Variants in PPP1R12C observed in about 807,000 individuals in gnomAD.
The protein encoded by PPP1R12C is protein phosphatase 1 regulatory subunit 12C.
PPP1R12C carries 48 observed loss-of-function variants against 95.6 expected under a neutral mutation model. The ratio of observed to expected loss-of-function variants is 0.50; its 90% CI spans 0.40 to 0.64. The LOEUF (loss-of-function observed/expected upper bound fraction) is 0.64. Ranked by LOEUF, PPP1R12C falls within the 30% of genes least tolerant of loss-of-function variation. The pLI is 0.00. For synonymous variants in PPP1R12C, 480 were observed against 460.8 expected, an observed-to-expected ratio of 1.04 and a Z score of -0.53; for missense variants, 1,057 against 1,083.3, an observed-to-expected ratio of 0.98 and a Z score of 0.34.
intron 6 of PPP1R12C, among the ~76,000 whole-genome samples, chr19:55,097,846 A>G (rs2084939523): frequency 6.6e-6 from 1 of 150,780 alleles, no homozygotes; most frequent in South Asian, 2.1e-4. Flanking sequence ...ACCCTGCCCC[A>G]CCTATTAAAC....
intron 1 of PPP1R12C, 142 bp from the exon 2 acceptor site, chr19:55,112,937 A>G: frequency 2.5e-6 from 3 of 1,222,254 alleles, no homozygotes; most frequent in Non-Finnish European, 2.3e-6. Context: ...GCCTCTGGCC[A>G]CTGGCTGTTT....
At position 55,109,458 on chromosome 19, in the gene PPP1R12C, T is replaced by C. The variant is rs1281035445; in HGVS notation, c.571+3009A>G. Among the ~76,000 whole-genome samples, 1 of 152,232 alleles carries C rather than the reference T, an allele frequency of 6.6e-6. No homozygotes were observed. Among genetic ancestry groups the C allele is most frequent in the Non-Finnish European group, 1.5e-5 (1 of 68,044 alleles). On this transcript the variant is annotated intron_variant, in intron 3 of 21. Transcript: ENST00000263433. The surrounding 1 kb of genome is among the most constrained non-coding windows in gnomAD (Gnocchi z 4.4). Reference sequence around the variant, plus strand: ...GGGTTTTGGTTCTTGCAAAGAGTCATGCCCGATTCAGCCCCTGAGTCGACT... The same window carrying C: ...GGGTTTTGGTTCTTGCAAAGAGTCACGCCCGATTCAGCCCCTGAGTCGACT...
intron 1 of PPP1R12C, 47 bp from the exon 2 acceptor site, chr19:55,112,842 G>A (rs755507300): frequency 8.7e-6 from 14 of 1,604,752 alleles, no homozygotes; most frequent in Admixed American, 3.3e-5. Context: ...CAGCCACGGT[G>A]TCCCAGCAAG....
chr19:55,091,595 G>T (rs750733490), intron 21 of PPP1R12C, 37 bp from the exon 22 acceptor site: 2 of 1,610,158 alleles, frequency 1.2e-6, no homozygotes, highest in Non-Finnish European at 8.5e-7. Context: ...CAGCCCTGGC[G>T]GGTTGCACCC....
intron 4 of PPP1R12C, among the ~76,000 whole-genome samples, chr19:55,102,510 T>C (rs1452953549): frequency 6.6e-6 from 1 of 152,192 alleles, no homozygotes; most frequent in African/African-American, 2.4e-5. Context: ...AGACTCCGTC[T>C]CAAAAACAAA....
rs1009481585 is a variant in PPP1R12C at position 55,090,946 on chromosome 19, G to C, written c.*526C>G. ...CAACTTCACGACTTTTATTTGTGGT[G>C]CCTGTGCTTTATCTCGAAAATACCT... On this transcript the variant is annotated 3_prime_UTR_variant, in exon 22 of 22. Coordinates refer to ENST00000263433, the MANE Select transcript of PPP1R12C (RefSeq NM_017607.4). 2.6e-5 allele frequency: 4 copies of C among 154,772 alleles called. No individual in the cohort carries two copies. Among genetic ancestry groups the C allele is most frequent in the Non-Finnish European group, 5.8e-5 (4 of 69,562 alleles). The allele number at this position is 154,772 out of a possible 1,614,324, so 9.6% of individuals were successfully genotyped here. A position where few individuals can be genotyped will look rare whatever the true frequency, so the allele number is the denominator to read the frequency against.
chr19:55,091,543 G>C lies in PPP1R12C; in HGVS notation c.2278C>G (p.Arg760Gly). ...EEELKALSDLRADNQRLKDEN... is the reference protein window; with the variant it reads ...EEELKALSDLGADNQRLKDEN... ...TCCTTGAGGCGCTGGTTGTCAGCGC[G>C]GAGGTCAGACAGGGCCTGGGGGACG... Residue 760 changes from arginine (R) to glycine (G), a missense_variant, in exon 22 of 22, where the codon CGC (arginine) becomes GGC (glycine). Transcript: ENST00000263433. 2 of 1,613,790 alleles carry C rather than the reference G, an allele frequency of 1.2e-6. No individual in the cohort carries two copies. The highest frequency in any genetic ancestry group is 1.7e-6 in the Non-Finnish European group (2 of 1,179,966).
Position 55,094,440 on chromosome 19 carries a change from G to A in PPP1R12C, c.1593-5C>T, listed in dbSNP as rs780766031. The A allele has an allele frequency of 1.2e-6, 2 of 1,613,726 alleles. No individual in the cohort carries two copies. The highest frequency in any genetic ancestry group is 8.5e-7 in the Non-Finnish European group (1 of 1,179,968). Reference sequence around the variant, plus strand: ...CGCACAGGCATCTGGTAGGACCTGAGGGAAGGGTCCCAACCTCAGACAGGG... The same window carrying A: ...CGCACAGGCATCTGGTAGGACCTGAAGGAAGGGTCCCAACCTCAGACAGGG... On this transcript the variant is annotated splice_region_variant and splice_polypyrimidine_tract_variant and intron_variant, in intron 12 of 21. Coordinates refer to ENST00000263433, the MANE Select transcript of PPP1R12C (RefSeq NM_017607.4).
chr19:55,112,961 T>A, intron 1 of PPP1R12C, 166 bp from the exon 2 acceptor site: 2 of 988,506 alleles, frequency 2.0e-6, no homozygotes, highest in Non-Finnish European at 1.5e-6. Flanking sequence ...ATACGCCTGG[T>A]TGCCCAGTGG....
intron 3 of PPP1R12C, among the ~76,000 whole-genome samples, chr19:55,108,457 C>T (rs111636470): frequency 0.015 from 2,205 of 152,040 alleles, 32 homozygotes; most frequent in Non-Finnish European, 0.021. Flanking sequence ...GGTGAAACCC[C>T]GTCTCCACAA....
chr19:55,091,069 C>A lies in PPP1R12C; in HGVS notation c.*403G>T. ...GGACCCTATATACAGGCCCACCTGG[C>A]TGAGGCTGGCGGGACTCTTGGCACA... On this transcript the variant is annotated 3_prime_UTR_variant, in exon 22 of 22. Transcript: ENST00000263433. 3.8e-6 allele frequency: 1 copy of A among 262,830 alleles called. No homozygotes were observed. The highest frequency in any genetic ancestry group is 7.5e-6 in the Non-Finnish European group (1 of 134,228). 16.3% of individuals were successfully genotyped at this position (262,830 alleles called of 1,614,324 possible).
intron 3 of PPP1R12C, chr19:55,112,004 C>T (rs2147211282): frequency 6.4e-6 from 1 of 155,300 alleles, no homozygotes; most frequent in Admixed American, 6.4e-5. Context: ...TCAGGGGCTC[C>T]TGGACCCCAT....
At position 55,095,319 on chromosome 19, in the gene PPP1R12C, A is replaced by AG; in HGVS notation, c.1425dup (p.Ser476LeufsTer12). 6.3e-7 allele frequency: 1 copy of AG among 1,587,406 alleles called. No individual in the cohort carries two copies. ...ACAGAGGGCTCCGGCAGCTTCGGGGAGGGGGTCGGGGTAATTCTGGCAAGA... is the reference window on the plus strand; with the variant it reads ...ACAGAGGGCTCCGGCAGCTTCGGGGAGGGGGGTCGGGGTAATTCTGGCAAGA... On this transcript the variant is annotated frameshift_variant, in exon 11 of 22. Coordinates refer to ENST00000263433, the MANE Select transcript of PPP1R12C (RefSeq NM_017607.4). LOFTEE classifies it high-confidence loss of function.
chr19:55,098,692 A>G (rs902077722), intron 6 of PPP1R12C, 92 bp downstream of exon 6: 257 of 1,492,938 alleles, frequency 1.7e-4, no homozygotes, highest in Admixed American at 2.1e-4. Context: ...GGTGGGTGTC[A>G]GAAGTCGGGG....
Position 55,091,506 on chromosome 19 carries a change from G to A in PPP1R12C, c.2315C>T (p.Ala772Val), listed in dbSNP as rs1396504637. The part of the protein sequence containing the change: ...DNQRLKDENA[A>V]LIRVISKLSK ...GAGTTTGCTGATGACGCGGATCAAC[G>A]CTGCATTCTCATCCTTGAGGCGCTG... The change falls in exon 22 of 22, where the codon GCG becomes GTG. Residue 772 changes from alanine to valine, a missense_variant. By Grantham distance (64) the Ala-to-Val change is moderately conservative. Transcript: ENST00000263433. The A allele has an allele frequency of 3.1e-6, 5 of 1,613,882 alleles. No homozygotes were observed. The highest frequency in any genetic ancestry group is 4.2e-6 in the Non-Finnish European group (5 of 1,179,982).
intron 4 of PPP1R12C, among the ~76,000 whole-genome samples, chr19:55,101,290 G>A (rs1262894953): frequency 1.3e-5 from 2 of 152,158 alleles, no homozygotes; most frequent in African/African-American, 2.4e-5. Flanking sequence ...AGGTCTGAGT[G>A]TAAACATGTC....
In PPP1R12C at chr19:55,095,927, T is replaced by C. The variant is rs936816044; in HGVS notation, c.1167A>G (p.Ala389=). ...GEEGPTEPPP[A]EPRTLNGVSS... ...AGACGCCATTGAGGGTTCTGGGTTC[T>C]GCAGGGGGTGGTTCTGTGATGTGGG... Residue 389 remains alanine, a synonymous_variant, in exon 9 of 22, where the codon GCA becomes GCG. Transcript: ENST00000263433. 3 of 1,613,058 alleles carry C rather than the reference T, an allele frequency of 1.9e-6. No individual in the cohort carries two copies. The Admixed American group carries it at 5.0e-5, about 27-fold the overall frequency.
intron 3 of PPP1R12C, among the ~76,000 whole-genome samples, chr19:55,104,180 G>GTATATATATATATA (rs756594022): frequency 2.7e-5 from 2 of 72,824 alleles, no homozygotes; most frequent in Admixed American, 1.5e-4. Flanking sequence ...AAAAAAAAAA[G>GTATATATATATATA]TATATATATA....
chr19:55,094,334 CCA>C lies in PPP1R12C; in HGVS notation c.1683+9_1683+10del. ...CAGACCCAGGAGTCCAGACCCCAGC[CCA>C]CCCCACACCTGTGTGGACCTCCGAG... is the stretch of plus-strand genomic sequence containing the variant. On this transcript the variant is annotated intron_variant, in intron 13 of 21. Transcript: ENST00000263433. 1 of 1,609,766 alleles carries C rather than the reference CCA, an allele frequency of 6.2e-7. No individual in the cohort carries two copies. The highest frequency in any genetic ancestry group is 2.2e-5 in the East Asian group (1 of 44,716).
Sources: gnomAD v4.1 joint callset for allele counts (sites outside exome capture counted in the v4.1 genomes callset) on GRCh38, gnomAD v4.1.1 for gene constraint, Gnocchi (gnomAD v3.1) non-coding constraint, MANE v1.5 for transcripts, NCBI Gene and HGNC (gene_info 2026-07-23, HGNC 2026-07-21) for gene names.